The following PARD3 variants were observed in gnomAD, a reference collection of about 807,000 sequenced individuals.
PARD3 encodes par-3 family cell polarity regulator.
PARD3 carries 75 observed loss-of-function variants against 155.4 expected under a neutral mutation model. The observed-to-expected ratio is 0.48, with a 90% CI of 0.40 to 0.58. The LOEUF is 0.58. Ranked by LOEUF, PARD3 falls within the 20% of genes least tolerant of loss-of-function variation. The pLI is 0.00. For missense variants in PARD3, 1,642 were observed against 1,721.7 expected (o/e 0.95, Z 0.82); for synonymous variants, 576 against 610.5 (o/e 0.94, Z 0.83).
intron 2 of PARD3, among the ~76,000 whole-genome samples, chr10:34,561,514 TTTTAA>T (rs2085467692): frequency 6.6e-6 from 1 of 151,972 alleles, no homozygotes; most frequent in South Asian, 2.1e-4. Flanking sequence ...ATTTATTTTT[TTTTAA>T]TTTATTTATT....
At chr10:34,134,791 C>T (rs181884526) in intron 22 of PARD3, among the ~76,000 whole-genome samples, 188 of 152,294 alleles carry the variant, frequency 1.2e-3, no homozygotes, top group African/African-American at 4.2e-3. Context: ...ACCGTCAAGC[C>T]CCCTTGGGGA....
chr10:34,584,729 T>C (rs1015714193), intron 2 of PARD3, among the ~76,000 whole-genome samples: 1 of 152,130 alleles, frequency 6.6e-6, no homozygotes, highest in Non-Finnish European at 1.5e-5. Flanking sequence ...GTTTGCCCAA[T>C]CATAATGCCA....
At chr10:34,359,407 C>T in intron 13 of PARD3, 90 bp from the exon 14 acceptor site, 1 of 850,476 alleles carries the variant, frequency 1.2e-6, no homozygotes, top group Non-Finnish European at 1.7e-6. Context: ...AAAATAAAAA[C>T]AAAGCAAAAA....
At chr10:34,535,207 T>C (rs555148467) in intron 2 of PARD3, among the ~76,000 whole-genome samples, 9 of 152,214 alleles carry the variant, frequency 5.9e-5, no homozygotes, top group East Asian at 5.8e-4. Flanking sequence ...TTGGCATGGG[T>C]AGAAGCAGGA....
At chr10:34,119,008 G>A (rs187004619) in intron 24 of PARD3, among the ~76,000 whole-genome samples, 19 of 152,248 alleles carry the variant, frequency 1.2e-4, no homozygotes, top group East Asian at 1.9e-4. Flanking sequence ...GGCCTTTGTC[G>A]GAGAACTGGG....
intron 20 of PARD3, among the ~76,000 whole-genome samples, chr10:34,290,303 C>T (rs1454955193): frequency 6.6e-6 from 1 of 152,074 alleles, no homozygotes; most frequent in Non-Finnish European, 1.5e-5. Context: ...ACAGAATATC[C>T]GGAACCAATT....
At chr10:34,459,773 AAAATGAAGAGATTTAAATCACATATAACT>A (rs2077532493) in intron 4 of PARD3, among the ~76,000 whole-genome samples, 1 of 152,190 alleles carries the variant, frequency 6.6e-6, no homozygotes, top group African/African-American at 2.4e-5. Flanking sequence ...CTACAATTTG[AAAATGAAGAGATTTAAATCACATATAACT>A]AGTCTGACAA....
chr10:34,113,923 G>T (rs575344011), intron 24 of PARD3, among the ~76,000 whole-genome samples: 1 of 152,292 alleles, frequency 6.6e-6, no homozygotes, highest in South Asian at 2.1e-4. Context: ...AATAGGTCCC[G>T]GAGGAGTAGT....
At chr10:34,147,568 TC>T (rs1270190927) in intron 22 of PARD3, among the ~76,000 whole-genome samples, 1 of 151,850 alleles carries the variant, frequency 6.6e-6, no homozygotes, top group Admixed American at 6.6e-5. Context: ...AGTAAAATTT[TC>T]CCTTTACAAT....
chr10:34,631,659 A>G (rs940212159), intron 2 of PARD3, among the ~76,000 whole-genome samples: 1 of 152,252 alleles, frequency 6.6e-6, no homozygotes, highest in Non-Finnish European at 1.5e-5. Flanking sequence ...GCTGAAGTGC[A>G]GTGGCACAAT....
chr10:34,744,698 G>C (rs918675152), intron 1 of PARD3, among the ~76,000 whole-genome samples: 1 of 152,200 alleles, frequency 6.6e-6, no homozygotes, highest in Non-Finnish European at 1.5e-5. Flanking sequence ...CAAAATTTAA[G>C]GGAGGACCAA....
chr10:34,500,514 G>A (rs556298968), intron 3 of PARD3, among the ~76,000 whole-genome samples: 1 of 152,148 alleles, frequency 6.6e-6, no homozygotes, highest in Non-Finnish European at 1.5e-5. Context: ...GGTCAAGGCA[G>A]GCAGATCACC....
At position 34,129,421 on chromosome 10, in the gene PARD3, G is replaced by T. The variant is rs115528365; in HGVS notation, c.3540+2042C>A. Among the ~76,000 whole-genome samples the T allele has an allele frequency of 6.4e-3, 972 of 152,254 alleles. 11 individuals are homozygous for T. Among genetic ancestry groups the T allele is most frequent in the African/African-American group, 0.022 (898 of 41,546 alleles). On this transcript the variant is annotated intron_variant, in intron 23 of 24. Transcript: ENST00000374788. ...GCCCACCTTGACCTCGCAAAGTGCT[G>T]GGATTACAGGCACAAGCCATTGTGC...
At chr10:34,168,370 C>A (rs936541223) in intron 22 of PARD3, among the ~76,000 whole-genome samples, 1 of 152,170 alleles carries the variant, frequency 6.6e-6, no homozygotes, top group Non-Finnish European at 1.5e-5. Flanking sequence ...AAACATGTCA[C>A]TAATTTTAAA....
chr10:34,720,448 CAAAAAAA>C lies in PARD3; in HGVS notation c.121-24036_121-24030del, dbSNP rs10603866. Among the ~76,000 whole-genome samples the C allele has an allele frequency of 1.8e-4, 10 of 56,868 alleles. No homozygotes were observed. The South Asian group carries it at 5.4e-3, about 31-fold the overall frequency. The allele number at this position is 56,868 out of a possible 152,430, so 37.3% of individuals were successfully genotyped here. ...CCTGGGCAACAGAGCAAGGCTCTGT[CAAAAAAA>C]AAAAAAAAAAAAAAAAAAAGCCTTG... On this transcript the variant is annotated intron_variant, in intron 1 of 24. Transcript: ENST00000374788.
At chr10:34,221,608 G>A (rs562236649) in intron 22 of PARD3, among the ~76,000 whole-genome samples, 3 of 152,102 alleles carry the variant, frequency 2.0e-5, no homozygotes, top group African/African-American at 4.8e-5. Flanking sequence ...TATAAAACAC[G>A]AATGACCAGG....
At chr10:34,809,318 C>G (rs1843788797) in intron 1 of PARD3, among the ~76,000 whole-genome samples, 1 of 152,170 alleles carries the variant, frequency 6.6e-6, no homozygotes, top group Non-Finnish European at 1.5e-5. Context: ...AAGACTGAAG[C>G]TCAGCCACCG....
chr10:34,548,646 G>T (rs886521614), intron 2 of PARD3, among the ~76,000 whole-genome samples: 1 of 151,940 alleles, frequency 6.6e-6, no homozygotes, highest in African/African-American at 2.4e-5. Flanking sequence ...AATGAATGTG[G>T]TTTATGAACA....
At chr10:34,733,942 A>G (rs1159013768) in intron 1 of PARD3, among the ~76,000 whole-genome samples, 1 of 139,616 alleles carries the variant, frequency 7.2e-6, no homozygotes, top group African/African-American at 2.6e-5. Flanking sequence ...AAGTAAAATC[A>G]AAGCTGTTTT....
Sources: gnomAD v4.1 joint callset for allele counts (sites outside exome capture counted in the v4.1 genomes callset) on GRCh38, gnomAD v4.1.1 for gene constraint, MANE v1.5 for transcripts, NCBI Gene and HGNC (gene_info 2026-07-23, HGNC 2026-07-21) for gene names.